Variants in TBCD observed in about 807,000 individuals in gnomAD.
The protein encoded by TBCD is tubulin folding cofactor D.
TBCD carries 105 observed loss-of-function variants against 169.3 expected under a neutral mutation model. That is an observed-to-expected ratio of 0.62 (90% CI 0.53 to 0.73). The LOEUF is 0.73. TBCD is among the 30% of genes least tolerant of loss of function. The pLI is 0.00. For missense variants in TBCD, 1,444 were observed against 1,600.1 expected, an observed-to-expected ratio of 0.90 and a Z score of 1.66; for synonymous variants, 700 against 643.9, an observed-to-expected ratio of 1.09 and a Z score of -1.32.
At chr17:82,919,460 A>C (rs1270292055) in intron 23 of TBCD, among the ~76,000 whole-genome samples, 1 of 152,160 alleles carries the variant, frequency 6.6e-6, no homozygotes. Context: ...AAAGGTAAAA[A>C]GTTAATTAGT....
chr17:82,869,050 G>A (rs116015392), intron 13 of TBCD, among the ~76,000 whole-genome samples: 1 of 151,718 alleles, frequency 6.6e-6, no homozygotes, highest in Non-Finnish European at 1.5e-5. Flanking sequence ...GTGCTTCAGC[G>A]TGAGGGCCAC....
Position 82,832,030 on chromosome 17 carries a change from G to A in TBCD, c.1318+17096G>A. The A allele has an allele frequency of 6.2e-7, 1 of 1,612,844 alleles. No individual in the cohort carries two copies. ...CTGGGCACCGAGGGCGGCTTCCGGAGCTGGGCTCTTGCAGGGTGATGCCCT... is the reference window on the plus strand; with the variant it reads ...CTGGGCACCGAGGGCGGCTTCCGGAACTGGGCTCTTGCAGGGTGATGCCCT... On this transcript the variant is annotated intron_variant, in intron 13 of 38. Coordinates refer to ENST00000355528, the MANE Select transcript of TBCD (RefSeq NM_005993.5). The surrounding 1 kb of genome is among the most constrained non-coding windows in gnomAD (Gnocchi z 4.9).
Position 82,942,657 on chromosome 17 carries a change from CCTTCA to C in TBCD, c.*198_*202del. The C allele has an allele frequency of 1.5e-6, 1 of 654,606 alleles. No individual in the cohort carries two copies. Among genetic ancestry groups the C allele is most frequent in the Non-Finnish European group, 2.7e-6 (1 of 374,326 alleles). The allele number at this position is 654,606 out of a possible 1,614,324, so 40.5% of individuals were successfully genotyped here. On this transcript the variant is annotated 3_prime_UTR_variant, in exon 39 of 39. Transcript: ENST00000355528. ...TGGTGACTTGGGGTGGACGCCTCTG[CCTTCA>C]CTTGAACACAAATGTGCTTCCTATA...
chr17:82,790,264 C>T (rs138975012), intron 7 of TBCD, among the ~76,000 whole-genome samples: 421 of 152,314 alleles, frequency 2.8e-3, no homozygotes, highest in African/African-American at 8.5e-3. Context: ...AGGGTGTGAG[C>T]CATCCATTCA....
At chr17:82,791,752 T>C (rs1174268173) in intron 7 of TBCD, among the ~76,000 whole-genome samples, 2 of 152,226 alleles carry the variant, frequency 1.3e-5, no homozygotes, top group Non-Finnish European at 2.9e-5. Flanking sequence ...GAAACAGTCA[T>C]GCGTCCCCTA....
chr17:82,921,095 T>A, intron 24 of TBCD: 1 of 250,764 alleles, frequency 4.0e-6, no homozygotes. Context: ...GCCTCAGAAG[T>A]TAGGACTTTT....
chr17:82,858,161 G>T (rs977341397), intron 13 of TBCD, among the ~76,000 whole-genome samples: 1 of 152,070 alleles, frequency 6.6e-6, no homozygotes, highest in Non-Finnish European at 1.5e-5. Context: ...TGATCCTCCC[G>T]CCTCAGCCTC....
chr17:82,793,185 C>G (rs920987753), intron 7 of TBCD, among the ~76,000 whole-genome samples: 1 of 152,168 alleles, frequency 6.6e-6, no homozygotes, highest in Non-Finnish European at 1.5e-5. Flanking sequence ...AGTCATTTAC[C>G]AATCCAGCAA....
At chr17:82,776,172 T>G (rs2048584188) in intron 6 of TBCD, among the ~76,000 whole-genome samples, 1 of 151,892 alleles carries the variant, frequency 6.6e-6, no homozygotes, top group Non-Finnish European at 1.5e-5. Flanking sequence ...TGAGCAGAGA[T>G]CGCACCATTG....
Position 82,880,393 on chromosome 17 carries a change from A to C in TBCD, c.1476-3752A>C, listed in dbSNP as rs2058273529. 1.3e-5 allele frequency among the ~76,000 whole-genome samples: 2 copies of C among 152,204 alleles called. No homozygotes were observed. The highest frequency in any genetic ancestry group is 1.3e-4 in the Admixed American group (2 of 15,276). On this transcript the variant is annotated intron_variant, in intron 14 of 38. Transcript: ENST00000355528. This position sits in a 1 kb window ranked among gnomAD's most constrained non-coding sequence, Gnocchi z 5.0. ...CCCATCTTAGGGTCAACTGATTGCC[A>C]ACCTTAATTCCCCTTTGTCAGGTAA... is the stretch of plus-strand genomic sequence containing the variant.
intron 13 of TBCD, among the ~76,000 whole-genome samples, chr17:82,842,766 C>A (rs1318095621): frequency 6.7e-6 from 1 of 149,288 alleles, no homozygotes; most frequent in African/African-American, 2.5e-5. Flanking sequence ...AAGTGTTCTT[C>A]ATTTTCTTTC....
At chr17:82,803,067 G>A (rs1039749736) in intron 9 of TBCD, among the ~76,000 whole-genome samples, 1 of 152,108 alleles carries the variant, frequency 6.6e-6, no homozygotes, top group African/African-American at 2.4e-5. Context: ...TCCTCGGTTG[G>A]ATTTTCGTTG....
chr17:82,902,592 G>A (rs866734138), intron 18 of TBCD, among the ~76,000 whole-genome samples: 3 of 152,210 alleles, frequency 2.0e-5, no homozygotes, highest in Non-Finnish European at 4.4e-5. Context: ...CAGGGCCCTC[G>A]GCCGACACCA....
intron 23 of TBCD, among the ~76,000 whole-genome samples, chr17:82,914,751 C>T (rs1051415919): frequency 6.6e-6 from 1 of 152,198 alleles, no homozygotes; most frequent in Admixed American, 6.5e-5. Flanking sequence ...GGCCTGCAGG[C>T]TCTGAAGCCG....
In TBCD at chr17:82,874,634, C is replaced by T. The variant is rs1374619235; in HGVS notation, c.1475+4254C>T. On this transcript the variant is annotated intron_variant, in intron 14 of 38. Transcript: ENST00000355528. This position sits in a 1 kb window ranked among gnomAD's most constrained non-coding sequence, Gnocchi z 5.0. The stretch of plus-strand genomic sequence containing the variant: ...GCTTGTCCAACGGGTTCTTAGAGAA[C>T]CTGGGCCCCATCCCTCCTTGGCCCA... 1.3e-5 allele frequency among the ~76,000 whole-genome samples: 2 copies of T among 152,192 alleles called. No homozygotes were observed. The highest frequency in any genetic ancestry group is 4.8e-5 in the African/African-American group (2 of 41,450).
At chr17:82,932,525 G>C in intron 33 of TBCD, 133 bp from the exon 34 acceptor site, 1 of 745,212 alleles carries the variant, frequency 1.3e-6, no homozygotes, top group Non-Finnish European at 2.3e-6. Flanking sequence ...TTTTCCTGAA[G>C]CTTTGCGTTT....
intron 35 of TBCD, 190 bp from the exon 36 acceptor site, chr17:82,937,859 G>T: frequency 6.7e-7 from 1 of 1,503,748 alleles, no homozygotes; most frequent in Non-Finnish European, 8.9e-7. Flanking sequence ...CTTTCCAAGT[G>T]CGACACTCGT....
chr17:82,883,153 G>A (rs1386026559), intron 14 of TBCD, among the ~76,000 whole-genome samples: 1 of 152,238 alleles, frequency 6.6e-6, no homozygotes, highest in Admixed American at 6.5e-5. Flanking sequence ...CGCGGGCCCC[G>A]CCCCACGGCT....
chr17:82,824,651 C>T (rs2052688028), intron 13 of TBCD, among the ~76,000 whole-genome samples: 1 of 152,186 alleles, frequency 6.6e-6, no homozygotes, highest in Admixed American at 6.5e-5. Context: ...CACCACCGCC[C>T]CTGGCCATAT....
Sources: gnomAD v4.1 joint callset for allele counts (sites outside exome capture counted in the v4.1 genomes callset) on GRCh38, gnomAD v4.1.1 for gene constraint, Gnocchi (gnomAD v3.1) non-coding constraint, MANE v1.5 for transcripts, NCBI Gene and HGNC (gene_info 2026-07-23, HGNC 2026-07-21) for gene names.